FGGY: variants seen among roughly 807,000 people sequenced by gnomAD.
The protein encoded by FGGY is FGGY carbohydrate kinase domain containing, also known as FGGY carbohydrate kinase domain-containing protein.
Under a neutral mutation model 71.3 loss-of-function variants are expected in FGGY, and 72 were observed. That is an observed-to-expected ratio of 1.01 (90% CI 0.84 to 1.23). FGGY has a LOEUF of 1.23. Ranked by LOEUF, FGGY falls within the 50% of genes most tolerant of loss-of-function variation. The pLI is 0.00. For synonymous variants in FGGY, 251 were observed against 250.3 expected, an observed-to-expected ratio of 1.00 and a Z score of -0.02; for missense variants, 668 against 682.3, an observed-to-expected ratio of 0.98 and a Z score of 0.23.
Position 59,334,886 on chromosome 1 carries a change from A to C in FGGY, c.202-5072A>C, listed in dbSNP as rs541061004. The stretch of plus-strand genomic sequence containing the variant: ...AAAAATAGAATTAATCGATAAATCT[A>C]TTATTCTACAACTTTAAAAATTATA... On this transcript the variant is annotated intron_variant, in intron 2 of 15. Transcript: ENST00000303721. Among the ~76,000 whole-genome samples the C allele has an allele frequency of 2.0e-5, 3 of 152,216 alleles. No individual in the cohort carries two copies. In the South Asian group the frequency reaches 6.2e-4, roughly 31 times the overall value.
intron 14 of FGGY, 133 bp downstream of exon 14, chr1:59,674,266 C>T: frequency 1.6e-6 from 1 of 615,526 alleles, no homozygotes; most frequent in Non-Finnish European, 2.9e-6. Context: ...CCAGGGAAAG[C>T]ACAAACACTT....
chr1:59,381,109 T>C (rs1373581782), intron 5 of FGGY, among the ~76,000 whole-genome samples: 1 of 152,162 alleles, frequency 6.6e-6, no homozygotes, highest in African/African-American at 2.4e-5. Flanking sequence ...TGTAGATATG[T>C]GGCATTATTT....
intron 8 of FGGY, among the ~76,000 whole-genome samples, chr1:59,606,994 G>A (rs1043446284): frequency 2.0e-5 from 3 of 152,180 alleles, no homozygotes; most frequent in Non-Finnish European, 2.9e-5. Context: ...TTGCTATTAG[G>A]TAGCAGTACA....
At chr1:59,703,209 T>C (rs2097724879) in intron 14 of FGGY, among the ~76,000 whole-genome samples, 1 of 152,184 alleles carries the variant, frequency 6.6e-6, no homozygotes, top group South Asian at 2.1e-4. Context: ...TCCTCAGGTA[T>C]TTTCTGCCTT....
At chr1:59,589,786 C>T (rs200460845) in intron 8 of FGGY, among the ~76,000 whole-genome samples, 1 of 152,040 alleles carries the variant, frequency 6.6e-6, no homozygotes, top group African/African-American at 2.4e-5. Flanking sequence ...ATATTCAAAG[C>T]AGTGTGTAGA....
chr1:59,605,390 G>A (rs1046734956), intron 8 of FGGY, among the ~76,000 whole-genome samples: 1 of 152,182 alleles, frequency 6.6e-6, no homozygotes, highest in African/African-American at 2.4e-5. Context: ...ACTCTGGTCT[G>A]CTTCCCTCTC....
intron 6 of FGGY, among the ~76,000 whole-genome samples, chr1:59,473,669 G>A (rs556210784): frequency 4.6e-5 from 7 of 152,144 alleles, no homozygotes; most frequent in Admixed American, 2.0e-4. Flanking sequence ...TTTATGGGGG[G>A]CTAGTTTCTG....
intron 6 of FGGY, among the ~76,000 whole-genome samples, chr1:59,488,530 A>C (rs1242800821): frequency 6.8e-6 from 1 of 148,148 alleles, no homozygotes; most frequent in African/African-American, 2.4e-5. Context: ...ATTATATATA[A>C]ATATGTATTA....
At chr1:59,416,186 C>T (rs1380018737) in intron 5 of FGGY, among the ~76,000 whole-genome samples, 1 of 152,112 alleles carries the variant, frequency 6.6e-6, no homozygotes, top group Non-Finnish European at 1.5e-5. Flanking sequence ...GGGGAAGAAG[C>T]ATGTATCAGG....
chr1:59,322,880 CT>C (rs1369549110), intron 2 of FGGY, among the ~76,000 whole-genome samples: 5 of 152,114 alleles, frequency 3.3e-5, no homozygotes, highest in African/African-American at 1.2e-4. Flanking sequence ...TTCCCTGTTC[CT>C]AGTTTAGTTC....
chr1:59,386,739 G>A (rs1217277922), intron 5 of FGGY, among the ~76,000 whole-genome samples: 1 of 151,960 alleles, frequency 6.6e-6, no homozygotes, highest in Non-Finnish European at 1.5e-5. Flanking sequence ...TTATTTACAA[G>A]GCTTCTTATG....
intron 5 of FGGY, among the ~76,000 whole-genome samples, chr1:59,405,289 G>A (rs577409202): frequency 6.6e-6 from 1 of 152,312 alleles, no homozygotes; most frequent in Admixed American, 6.5e-5. Flanking sequence ...TGAACAGAGA[G>A]CTAAATTACT....
chr1:59,653,105 C>T (rs554912353), intron 11 of FGGY, among the ~76,000 whole-genome samples: 5 of 152,306 alleles, frequency 3.3e-5, no homozygotes, highest in South Asian at 2.1e-4. Context: ...AGGCAGTCTG[C>T]GGGTTCTCAG....
intron 6 of FGGY, among the ~76,000 whole-genome samples, chr1:59,502,909 A>G (rs1465296770): frequency 3.9e-5 from 6 of 152,222 alleles, no homozygotes; most frequent in African/African-American, 7.2e-5. Context: ...AAGATTCAGC[A>G]TGTTCGGATT....
intron 5 of FGGY, among the ~76,000 whole-genome samples, chr1:59,443,350 T>C (rs985200838): frequency 1.3e-5 from 2 of 152,202 alleles, no homozygotes; most frequent in African/African-American, 2.4e-5. Context: ...CAGTCTGCTC[T>C]CTTTCATCCT....
chr1:59,655,414 G>T (rs1309124234), intron 11 of FGGY, among the ~76,000 whole-genome samples: 1 of 151,976 alleles, frequency 6.6e-6, no homozygotes, highest in Non-Finnish European at 1.5e-5. Flanking sequence ...TTCTCCTAAT[G>T]CTCTCCCTCC....
At chr1:59,425,907 A>G (rs2066281793) in intron 5 of FGGY, among the ~76,000 whole-genome samples, 1 of 152,260 alleles carries the variant, frequency 6.6e-6, no homozygotes, top group South Asian at 2.1e-4. Flanking sequence ...TGTTTATTCC[A>G]CATAATTCCA....
intron 1 of FGGY, among the ~76,000 whole-genome samples, chr1:59,317,890 C>T (rs1232138503): frequency 6.6e-6 from 1 of 152,148 alleles, no homozygotes; most frequent in Non-Finnish European, 1.5e-5. Context: ...TATAGAAATC[C>T]ATATTTTGCT....
At chr1:59,626,734 A>G (rs1253629271) in intron 10 of FGGY, 2 of 152,188 alleles carry the variant, frequency 1.3e-5, no homozygotes, top group Non-Finnish European at 2.9e-5. Context: ...GTATGCCTAT[A>G]ATCCCAGTTA....
Sources: allele counts gnomAD v4.1 joint callset (sites outside exome capture counted in the v4.1 genomes callset), GRCh38; gene constraint gnomAD v4.1.1; transcripts MANE v1.5; gene names NCBI Gene and HGNC (gene_info 2026-07-23, HGNC 2026-07-21).